STXBP5L: variants seen among roughly 807,000 people sequenced by gnomAD.
The protein encoded by STXBP5L is syntaxin-binding protein 5-like.
STXBP5L carries 65 observed loss-of-function variants against 144.5 expected under a neutral mutation model. The observed-to-expected ratio is 0.45, with a 90% CI of 0.37 to 0.55. The LOEUF is 0.55. STXBP5L is among the 20% of genes least tolerant of loss of function. The pLI is 0.00. For synonymous variants in STXBP5L, 505 were observed against 469.6 expected (o/e 1.08, Z -0.97); for missense variants, 1,298 against 1,405.5 (o/e 0.92, Z 1.22).
chr3:121,402,721 T>G (rs2046909353), intron 22 of STXBP5L, among the ~76,000 whole-genome samples: 1 of 152,204 alleles, frequency 6.6e-6, no homozygotes, highest in Non-Finnish European at 1.5e-5. Context: ...TGGGCTCTTA[T>G]GCTGCTAGGT....
intron 3 of STXBP5L, among the ~76,000 whole-genome samples, chr3:121,010,680 C>G (rs190509939): frequency 2.0e-5 from 3 of 151,836 alleles, no homozygotes; most frequent in African/African-American, 7.3e-5. Context: ...ATAACATAAA[C>G]AGTCAATTAA....
At chr3:120,923,134 A>T (rs1709437545) in intron 2 of STXBP5L, among the ~76,000 whole-genome samples, 1 of 151,874 alleles carries the variant, frequency 6.6e-6, no homozygotes, top group African/African-American at 2.4e-5. Context: ...TTGTTTGCAT[A>T]CAGTTGTTCA....
chr3:121,083,842 C>G (rs2042364295), intron 5 of STXBP5L, among the ~76,000 whole-genome samples: 1 of 152,012 alleles, frequency 6.6e-6, no homozygotes, highest in Non-Finnish European at 1.5e-5. Flanking sequence ...TTTACAGTTT[C>G]TGAGGAATTT....
At chr3:120,986,454 A>G (rs1576579007) in intron 3 of STXBP5L, among the ~76,000 whole-genome samples, 1 of 151,878 alleles carries the variant, frequency 6.6e-6, no homozygotes, top group Non-Finnish European at 1.5e-5. Flanking sequence ...TAATATTGTG[A>G]GTTTGACATT....
chr3:121,083,935 T>G (rs2042369743), intron 5 of STXBP5L, among the ~76,000 whole-genome samples: 3 of 152,118 alleles, frequency 2.0e-5, no homozygotes, highest in Admixed American at 6.5e-5. Context: ...CAATACTCAT[T>G]GTTTCATTCC....
intron 9 of STXBP5L, among the ~76,000 whole-genome samples, chr3:121,199,541 C>T (rs563521460): frequency 7.0e-4 from 107 of 152,138 alleles, no homozygotes; most frequent in Middle Eastern, 3.4e-3. Context: ...GGTGAGAGAC[C>T]GCATCCTTGT....
intron 22 of STXBP5L, among the ~76,000 whole-genome samples, chr3:121,383,439 A>G (rs2046362155): frequency 6.6e-6 from 1 of 152,092 alleles, no homozygotes; most frequent in African/African-American, 2.4e-5. Context: ...AATGTGCCAC[A>G]CTTATACAAG....
intron 9 of STXBP5L, chr3:121,158,734 C>G (rs1026785921): frequency 6.6e-6 from 1 of 152,152 alleles, no homozygotes; most frequent in Non-Finnish European, 1.5e-5. Flanking sequence ...CCCCAGCTAA[C>G]CCCCAATACT....
chr3:121,313,740 C>G (rs1241730570), intron 19 of STXBP5L, among the ~76,000 whole-genome samples: 1 of 125,454 alleles, frequency 8.0e-6, no homozygotes, highest in African/African-American at 3.0e-5. Context: ...GGGGCTGACC[C>G]CCCCCACCTC....
intron 14 of STXBP5L, 109 bp from the exon 15 acceptor site, chr3:121,250,614 A>AT (rs2049998606): frequency 1.1e-6 from 1 of 885,134 alleles, no homozygotes. Flanking sequence ...TTAAAGTGGT[A>AT]TTTTTGAATC....
chr3:120,958,827 C>T (rs1342675311), intron 3 of STXBP5L, among the ~76,000 whole-genome samples: 1 of 152,108 alleles, frequency 6.6e-6, no homozygotes, highest in East Asian at 1.9e-4. Context: ...TGGAAGCATT[C>T]CCTTTGAAAA....
At chr3:120,989,367 T>C (rs1942610999) in intron 3 of STXBP5L, among the ~76,000 whole-genome samples, 1 of 152,132 alleles carries the variant, frequency 6.6e-6, no homozygotes, top group Admixed American at 6.5e-5. Flanking sequence ...GTTTAATTTG[T>C]ATTATTCTGA....
chr3:121,082,920 T>A (rs2107699135), intron 5 of STXBP5L, among the ~76,000 whole-genome samples: 1 of 152,302 alleles, frequency 6.6e-6, no homozygotes, highest in South Asian at 2.1e-4. Context: ...ACATTTGGGC[T>A]GGGCGTGGTG....
chr3:121,040,002 T>A (rs1346341883), intron 3 of STXBP5L, among the ~76,000 whole-genome samples: 1 of 152,074 alleles, frequency 6.6e-6, no homozygotes, highest in Non-Finnish European at 1.5e-5. Flanking sequence ...TATATCTACT[T>A]AACATGCTCA....
chr3:121,114,618 A>C (rs960106094), intron 5 of STXBP5L, among the ~76,000 whole-genome samples: 1 of 152,142 alleles, frequency 6.6e-6, no homozygotes, highest in Non-Finnish European at 1.5e-5. Context: ...CAAGTAAACA[A>C]AAAAATTCAG....
intron 5 of STXBP5L, among the ~76,000 whole-genome samples, chr3:121,114,266 C>A (rs757022741): frequency 5.3e-5 from 8 of 151,990 alleles, no homozygotes; most frequent in Non-Finnish European, 7.4e-5. Flanking sequence ...GAAAACAGAA[C>A]AATAAAATGA....
At chr3:120,979,126 T>G (rs890646823) in intron 3 of STXBP5L, among the ~76,000 whole-genome samples, 4 of 152,188 alleles carry the variant, frequency 2.6e-5, no homozygotes, top group Admixed American at 2.0e-4. Flanking sequence ...TGTCTTTTTG[T>G]TTGTCTGTGC....
chr3:121,187,285 G>A (rs2047427565), intron 9 of STXBP5L, among the ~76,000 whole-genome samples: 1 of 151,850 alleles, frequency 6.6e-6, no homozygotes, highest in African/African-American at 2.4e-5. Context: ...ATCATTCTGA[G>A]CAAACTATTG....
intron 11 of STXBP5L, among the ~76,000 whole-genome samples, chr3:121,231,312 T>G (rs2049302957): frequency 6.6e-6 from 1 of 152,222 alleles, no homozygotes; most frequent in African/African-American, 2.4e-5. Context: ...GCTTTTGCCC[T>G]TCCTGGACTT....
Sources: gnomAD v4.1 joint callset for allele counts (sites outside exome capture counted in the v4.1 genomes callset) on GRCh38, gnomAD v4.1.1 for gene constraint, MANE v1.5 for transcripts, NCBI Gene and HGNC (gene_info 2026-07-23, HGNC 2026-07-21) for gene names.